CEP128: variants seen among roughly 807,000 people sequenced by gnomAD.
CEP128 encodes centrosomal protein 128kDa.
A neutral mutation model predicts 156.7 loss-of-function variants in CEP128; 132 were observed. That is an observed-to-expected ratio of 0.84 (90% CI 0.73 to 0.97). CEP128 has a LOEUF of 0.97. Among genes scored for constraint, CEP128 ranks in the 50% least tolerant of loss-of-function variants. The pLI is 0.00. For synonymous variants in CEP128, 469 were observed against 448.9 expected (o/e 1.04, Z -0.57); for missense variants, 1,252 against 1,281.9 (o/e 0.98, Z 0.36).
At chr14:80,937,111 C>T (rs913102409) in intron 2 of CEP128, among the ~76,000 whole-genome samples, 1 of 152,050 alleles carries the variant, frequency 6.6e-6, no homozygotes, top group African/African-American at 2.4e-5. Flanking sequence ...TGAGCCCAAG[C>T]GTTCGAGATG....
chr14:80,862,237 C>G (rs1887548559), intron 9 of CEP128, among the ~76,000 whole-genome samples: 1 of 152,148 alleles, frequency 6.6e-6, no homozygotes, highest in African/African-American at 2.4e-5. Context: ...TCAACTCTGC[C>G]ATTGTGTCAC....
intron 19 of CEP128, among the ~76,000 whole-genome samples, chr14:80,655,774 C>G (rs1170989507): frequency 6.6e-6 from 1 of 152,152 alleles, no homozygotes; most frequent in Non-Finnish European, 1.5e-5. Flanking sequence ...TGGGAGGAAT[C>G]TGTCTGAGGA....
At chr14:80,597,619 AC>A (rs1892387333) in intron 19 of CEP128, among the ~76,000 whole-genome samples, 3 of 151,186 alleles carry the variant, frequency 2.0e-5, no homozygotes, top group Non-Finnish European at 3.0e-5. Context: ...CCTCAAAAAA[AC>A]AAAGAAAGAA....
chr14:80,633,326 T>G (rs756414378), intron 19 of CEP128, among the ~76,000 whole-genome samples: 1 of 152,194 alleles, frequency 6.6e-6, no homozygotes, highest in Non-Finnish European at 1.5e-5. Context: ...AGGGGTCCGA[T>G]ATGTCAATAG....
chr14:80,813,439 T>C (rs1034501416), intron 13 of CEP128, among the ~76,000 whole-genome samples: 3 of 152,188 alleles, frequency 2.0e-5, no homozygotes, highest in Non-Finnish European at 4.4e-5. Context: ...TCAATTATGA[T>C]TCATGTTTTT....
intron 19 of CEP128, among the ~76,000 whole-genome samples, chr14:80,732,548 A>G (rs77170242): frequency 0.011 from 1,625 of 150,736 alleles, 36 homozygotes; most frequent in African/African-American, 0.038. Context: ...TGTTAGGTAG[A>G]GGTCAATTGT....
At chr14:80,678,049 A>AAAAAATATATATATATAT in intron 19 of CEP128, among the ~76,000 whole-genome samples, 12 of 98,494 alleles carry the variant, frequency 1.2e-4, no homozygotes, top group African/African-American at 3.8e-4. Context: ...ATAAAAAAAA[A>AAAAAATATATATATATAT]ATATATATAT....
chr14:80,955,921 C>A, intron 2 of CEP128: 1 of 1,593,410 alleles, frequency 6.3e-7, no homozygotes, highest in Non-Finnish European at 8.6e-7. Context: ...CCGAAGTGCA[C>A]AAAAGCAGCT....
At chr14:80,632,454 T>A (rs1894000834) in intron 19 of CEP128, among the ~76,000 whole-genome samples, 1 of 148,786 alleles carries the variant, frequency 6.7e-6, no homozygotes, top group South Asian at 2.1e-4. Context: ...TATTATTGTA[T>A]ATTATACATA....
chr14:80,912,434 T>C (rs932765113), intron 4 of CEP128, among the ~76,000 whole-genome samples: 3 of 152,196 alleles, frequency 2.0e-5, no homozygotes, highest in Non-Finnish European at 4.4e-5. Context: ...AGGGATCTAA[T>C]ATTCAACTTT....
intron 19 of CEP128, among the ~76,000 whole-genome samples, chr14:80,638,538 A>C (rs8012237): frequency 0.29 from 44,584 of 151,952 alleles, 8,495 homozygotes; most frequent in African/African-American, 0.53. Flanking sequence ...ATCAGAGAGG[A>C]CTTTGCTGAC....
intron 19 of CEP128, among the ~76,000 whole-genome samples, chr14:80,687,670 C>T (rs1001313030): frequency 1.3e-5 from 2 of 152,066 alleles, no homozygotes; most frequent in African/African-American, 2.4e-5. Context: ...ATATCCCAAA[C>T]GTCAGCATCA....
intron 2 of CEP128, among the ~76,000 whole-genome samples, chr14:80,930,384 A>G (rs931024871): frequency 2.0e-5 from 3 of 152,130 alleles, no homozygotes; most frequent in African/African-American, 7.2e-5. Context: ...TTCCTGCACT[A>G]TGCACTTGTC....
At chr14:80,638,454 T>C (rs1894279405) in intron 19 of CEP128, among the ~76,000 whole-genome samples, 1 of 152,182 alleles carries the variant, frequency 6.6e-6, no homozygotes, top group Non-Finnish European at 1.5e-5. Flanking sequence ...ACAGAGGACC[T>C]GGAATGCTCT....
At chr14:80,580,613 C>A (rs568652661) in intron 19 of CEP128, among the ~76,000 whole-genome samples, 190 bp from the exon 20 acceptor site, 1 of 152,238 alleles carries the variant, frequency 6.6e-6, no homozygotes, top group Non-Finnish European at 1.5e-5. Context: ...AGCGCGGGAG[C>A]CTGCCAACTC....
At position 80,904,906 on chromosome 14, in the gene CEP128, T is replaced by A. The variant is rs751102747; in HGVS notation, c.387A>T (p.Ser129=). ...GSELHHFPPT[S]PLKDYGDPQG... is the part of the protein sequence containing the mutation. ...GTGGATCCCCATAGTCCTTGAGAGG[T>A]GAGGTAGGTGGAAAATGATGGAGCT... The change falls in exon 6 of 25, where the codon TCA becomes TCT. Residue 129 remains serine, a synonymous_variant. Transcript: ENST00000555265. 19 of 1,606,876 alleles carry A rather than the reference T, an allele frequency of 1.2e-5. No homozygotes were observed. The African/African-American group carries it at 1.6e-4, about 14-fold the overall frequency.
At chr14:80,955,734 C>G (rs2139669436) in intron 2 of CEP128, 1 of 1,614,134 alleles carries the variant, frequency 6.2e-7, no homozygotes, top group East Asian at 2.2e-5. Flanking sequence ...TGCCCAGGGA[C>G]CTGGGCGGAA....
intron 19 of CEP128, among the ~76,000 whole-genome samples, chr14:80,657,945 A>G (rs970069341): frequency 3.9e-5 from 6 of 152,192 alleles, no homozygotes; most frequent in Non-Finnish European, 1.5e-5. Context: ...AAGAACTCTT[A>G]CGTAAACCAA....
At chr14:80,655,012 C>A (rs1895069753) in intron 19 of CEP128, among the ~76,000 whole-genome samples, 1 of 152,132 alleles carries the variant, frequency 6.6e-6, no homozygotes, top group Non-Finnish European at 1.5e-5. Flanking sequence ...GTTTACATGT[C>A]TCTTTTTTTC....
Sources: allele counts gnomAD v4.1 joint callset (sites outside exome capture counted in the v4.1 genomes callset), GRCh38; gene constraint gnomAD v4.1.1; transcripts MANE v1.5; gene names NCBI Gene and HGNC (gene_info 2026-07-23, HGNC 2026-07-21).